Variants in LGSN observed in about 807,000 individuals in gnomAD.
LGSN encodes lengsin, lens protein with glutamine synthetase domain.
LGSN carries 21 observed loss-of-function variants against 19.5 expected under a neutral mutation model. The observed-to-expected ratio is 1.07, with a 90% CI of 0.76 to 1.55. LGSN has a LOEUF of 1.55. LGSN is among the 40% of genes most tolerant of loss of function. LGSN has a pLI of 0.00. For synonymous variants in LGSN, 257 were observed against 215.6 expected (o/e 1.19, Z -1.68); for missense variants, 673 against 608.5 (o/e 1.11, Z -1.12).
At chr6:63,429,292 C>A in the LGSN span, among the ~76,000 whole-genome samples, 2 of 152,124 alleles carry the variant, frequency 1.3e-5, no homozygotes, top group African/African-American at 4.8e-5. Flanking sequence ...TGATAAAATC[C>A]TTTCCTCTCA....
At chr6:63,408,521 A>G in the LGSN span, among the ~76,000 whole-genome samples, 3 of 146,904 alleles carry the variant, frequency 2.0e-5, no homozygotes, top group African/African-American at 7.9e-5. Flanking sequence ...CCTTATACAA[A>G]AATTAATTCA....
the LGSN span, among the ~76,000 whole-genome samples, chr6:63,491,461 G>A: frequency 1.3e-4 from 20 of 152,008 alleles, no homozygotes; most frequent in African/African-American, 3.6e-4. Context: ...AAAGGTGATC[G>A]GTAAAATCCT....
At chr6:63,484,523 C>CA in the LGSN span, among the ~76,000 whole-genome samples, 4 of 148,252 alleles carry the variant, frequency 2.7e-5, no homozygotes, top group Non-Finnish European at 4.5e-5. Flanking sequence ...GACTCCGTCT[C>CA]AAAAAAAAAG....
At chr6:63,283,550 G>A (rs2127382414) in intron 3 of LGSN, among the ~76,000 whole-genome samples, 1 of 150,482 alleles carries the variant, frequency 6.6e-6, no homozygotes, top group South Asian at 2.1e-4. Context: ...ATATAAGTTG[G>A]TTGTAAGACT....
the LGSN span, among the ~76,000 whole-genome samples, chr6:63,496,276 T>C: frequency 6.6e-6 from 1 of 152,234 alleles, no homozygotes. Flanking sequence ...TGTAGCATTT[T>C]CCATGTATAT....
chr6:63,446,196 G>T, the LGSN span, among the ~76,000 whole-genome samples: 185 of 142,988 alleles, frequency 1.3e-3, no homozygotes, highest in Non-Finnish European at 2.2e-3. Context: ...TTTGCAATGA[G>T]CAGAGATCGG....
chr6:63,487,613 T>C, the LGSN span, among the ~76,000 whole-genome samples: 7 of 152,212 alleles, frequency 4.6e-5, no homozygotes, highest in African/African-American at 1.7e-4. Flanking sequence ...TCCAATCCTA[T>C]GTATAATAAT....
At chr6:63,445,763 C>G in the LGSN span, among the ~76,000 whole-genome samples, 2 of 152,162 alleles carry the variant, frequency 1.3e-5, no homozygotes, top group Admixed American at 6.5e-5. Flanking sequence ...TTTATAAACT[C>G]TCATCTGAAT....
In LGSN at chr6:63,292,254, G is replaced by A. The variant is rs373043997; in HGVS notation, c.163+2659C>T. ...CAAGGAAACCAGATGAGCCAACCTA[G>A]ACTTCTAACATACAAAACTGTGAGA... is the stretch of plus-strand genomic sequence containing the variant. On this transcript the variant is annotated intron_variant, in intron 2 of 3. Transcript: ENST00000370657. Among the ~76,000 whole-genome samples the A allele has an allele frequency of 8.5e-5, 13 of 152,284 alleles. No individual in the cohort carries two copies. In the East Asian group the frequency reaches 2.3e-3, roughly 27 times the overall value.
In LGSN at chr6:63,280,341, G is replaced by T. The variant is rs146898925; in HGVS notation, c.1210C>A (p.Arg404=). 51 of 1,614,114 alleles carry T rather than the reference G, an allele frequency of 3.2e-5. No individual in the cohort carries two copies. In the African/African-American group the frequency reaches 5.7e-4, roughly 18 times the overall value. Residue 404 remains arginine (R), a synonymous_variant, in exon 4 of 4, where the codon CGG becomes AGG. Transcript: ENST00000370657. ...NIKCHGEKGT[R]IENKLGSATA... ...GCTGAGCCTAGTTTATTTTCTATCCGGGTGCCTTTCTCTCCATGACATTTG... is the reference window on the plus strand; with the variant it reads ...GCTGAGCCTAGTTTATTTTCTATCCTGGTGCCTTTCTCTCCATGACATTTG...
the LGSN span, among the ~76,000 whole-genome samples, chr6:63,366,700 C>T: frequency 1.3e-5 from 2 of 152,158 alleles, no homozygotes; most frequent in African/African-American, 4.8e-5. Context: ...TACTACAAGG[C>T]TACAGTAACC....
intron 2 of LGSN, among the ~76,000 whole-genome samples, chr6:63,289,547 G>T (rs1362370000): frequency 2.0e-5 from 3 of 151,732 alleles, no homozygotes; most frequent in South Asian, 2.1e-4. Context: ...TCCCTCAGAG[G>T]ATTAATAAAT....
the LGSN span, among the ~76,000 whole-genome samples, chr6:63,439,261 G>C: frequency 6.6e-6 from 1 of 152,194 alleles, no homozygotes; most frequent in East Asian, 1.9e-4. Context: ...GCTAAATGAC[G>C]AGTTAATGGG....
the LGSN span, among the ~76,000 whole-genome samples, chr6:63,390,118 CTTTTTTT>C: frequency 2.3e-4 from 15 of 66,316 alleles, no homozygotes; most frequent in Non-Finnish European, 3.3e-4. Context: ...TTCTTTCTTT[CTTTTTTT>C]TTTTTTTTTT....
chr6:63,559,949 C>T, the LGSN span, among the ~76,000 whole-genome samples: 1 of 152,116 alleles, frequency 6.6e-6, no homozygotes, highest in East Asian at 1.9e-4. Context: ...TTCGTGACAA[C>T]AGCAACCCAG....
the LGSN span, among the ~76,000 whole-genome samples, chr6:63,468,508 G>A: frequency 6.6e-6 from 1 of 152,048 alleles, no homozygotes. Flanking sequence ...GTTCACTGCA[G>A]CCTCTGCCTC....
the LGSN span, among the ~76,000 whole-genome samples, chr6:63,480,909 G>T: frequency 7.0e-6 from 1 of 143,480 alleles, no homozygotes; most frequent in Non-Finnish European, 1.5e-5. Flanking sequence ...CAACCTAAGT[G>T]CCCACTGACT....
chr6:63,473,054 A>G, the LGSN span, among the ~76,000 whole-genome samples: 1 of 152,184 alleles, frequency 6.6e-6, no homozygotes, highest in African/African-American at 2.4e-5. Flanking sequence ...GGGGTGAAAA[A>G]TAAGATCTCC....
chr6:63,567,331 T>A, the LGSN span, among the ~76,000 whole-genome samples: 1 of 152,220 alleles, frequency 6.6e-6, no homozygotes, highest in Non-Finnish European at 1.5e-5. Flanking sequence ...AACCTGAAAG[T>A]CAAAATTATT....
Sources: allele counts gnomAD v4.1 joint callset (sites outside exome capture counted in the v4.1 genomes callset), GRCh38; gene constraint gnomAD v4.1.1; transcripts MANE v1.5; gene names NCBI Gene and HGNC (gene_info 2026-07-23, HGNC 2026-07-21).